ARL13B: variants seen among roughly 807,000 people sequenced by gnomAD.
ARL13B encodes ADP-ribosylation factor-like protein 13B.
Under a neutral mutation model 56.1 loss-of-function variants are expected in ARL13B, and 36 were observed. That is an observed-to-expected ratio of 0.64 (90% confidence interval 0.49 to 0.85). The LOEUF (loss-of-function observed/expected upper bound fraction) is 0.85, where lower values mean the gene tolerates loss of function less well. ARL13B is among the 40% of genes least tolerant of loss of function. The pLI is 0.00. For missense variants in ARL13B, 519 were observed against 507.1 expected (o/e 1.02, Z -0.23); for synonymous variants, 178 against 171.1 (o/e 1.04, Z -0.32).
At chr3:94,033,035 T>C (rs2076704658) in intron 3 of ARL13B, among the ~76,000 whole-genome samples, 2 of 152,236 alleles carry the variant, frequency 1.3e-5, no homozygotes, top group Non-Finnish European at 2.9e-5. Context: ...TAAAATGGAA[T>C]GCTATTCAAC....
chr3:93,990,840 C>T (rs2075862973), intron 1 of ARL13B, among the ~76,000 whole-genome samples: 1 of 152,272 alleles, frequency 6.6e-6, no homozygotes, highest in East Asian at 1.9e-4. Flanking sequence ...CCTTCATCTT[C>T]CTTCTGTTTT....
chr3:94,001,122 G>C (rs2076049124), intron 2 of ARL13B, among the ~76,000 whole-genome samples: 1 of 151,964 alleles, frequency 6.6e-6, no homozygotes. Flanking sequence ...TTATGATAGA[G>C]GTAAAGGTGA....
intron 3 of ARL13B, among the ~76,000 whole-genome samples, chr3:94,021,350 A>G (rs372543318): frequency 2.1e-4 from 32 of 152,028 alleles, no homozygotes; most frequent in African/African-American, 7.5e-4. Context: ...GCCCATCACC[A>G]TGCCCAGATA....
chr3:94,016,999 T>C (rs374528129), intron 3 of ARL13B, among the ~76,000 whole-genome samples: 3 of 152,164 alleles, frequency 2.0e-5, no homozygotes, highest in African/African-American at 7.2e-5. Flanking sequence ...TTATAAATAA[T>C]AGTCTGATGT....
Position 94,054,462 on chromosome 3 carries a change from AAT to A in ARL13B, c.*1200_*1201del. On this transcript the variant is annotated 3_prime_UTR_variant, in exon 10 of 10. Transcript: ENST00000394222. Reference sequence around the variant, plus strand: ...TGTATATTTTTAATAATAGATTCATAATGTTACATTTAATTGAAAACAAACCT... The same window carrying A: ...TGTATATTTTTAATAATAGATTCATAGTTACATTTAATTGAAAACAAACCT... 2.8e-6 allele frequency: 1 copy of A among 357,428 alleles called. No individual in the cohort carries two copies. The highest frequency in any genetic ancestry group is 2.2e-5 in the South Asian group (1 of 44,736). 22.1% of individuals were successfully genotyped at this position (357,428 alleles called of 1,614,324 possible).
intron 3 of ARL13B, among the ~76,000 whole-genome samples, chr3:94,011,324 G>A (rs2076221311): frequency 1.3e-5 from 2 of 152,094 alleles, no homozygotes; most frequent in Non-Finnish European, 2.9e-5. Flanking sequence ...ACGTGACTGT[G>A]ATGGCTGATC....
intron 2 of ARL13B, among the ~76,000 whole-genome samples, chr3:94,000,015 G>A (rs2076027250): frequency 6.6e-6 from 1 of 152,168 alleles, no homozygotes; most frequent in South Asian, 2.1e-4. Flanking sequence ...AGAAGGAAGA[G>A]GTAAAGGGTA....
At chr3:94,010,984 A>C (rs2076215094) in intron 3 of ARL13B, among the ~76,000 whole-genome samples, 1 of 152,068 alleles carries the variant, frequency 6.6e-6, no homozygotes. Flanking sequence ...TGTGGAGTTT[A>C]TCATCTTTTA....
intron 2 of ARL13B, among the ~76,000 whole-genome samples, chr3:93,999,563 C>G (rs1161058807): frequency 2.0e-5 from 3 of 152,102 alleles, no homozygotes; most frequent in African/African-American, 7.2e-5. Context: ...CCCTGAACAT[C>G]TATTCTTTGC....
In ARL13B at chr3:93,995,910, T is replaced by C. The variant is rs780528968; in HGVS notation, c.96T>C (p.Ala32=). The change falls in exon 2 of 10, where the codon GCT becomes GCC. Residue 32 remains alanine (A), a synonymous_variant. Coordinates refer to ENST00000394222, the MANE Select transcript of ARL13B (RefSeq NM_001174150.2). ...TTTTGATGGTGGGACTTGATAATGCTGGTAAAACCGCAACAGCAAAGGGAA... is the reference window on the plus strand; with the variant it reads ...TTTTGATGGTGGGACTTGATAATGCCGGTAAAACCGCAACAGCAAAGGGAA... ...VTLLMVGLDN[A]GKTATAKGIQ... 1 of 1,613,362 alleles carries C rather than the reference T, an allele frequency of 6.2e-7. No homozygotes were observed. The highest frequency in any genetic ancestry group is 8.5e-7 in the Non-Finnish European group (1 of 1,179,572).
Position 94,011,299 on chromosome 3 carries a change from C to T in ARL13B, c.380+7391C>T, listed in dbSNP as rs575323074. The stretch of plus-strand genomic sequence containing the variant: ...GTGCTAGCACACAAATGCTAAACAT[C>T]GATAGATTAGTAATACGTGACTGTG... On this transcript the variant is annotated intron_variant, in intron 3 of 9. Coordinates refer to ENST00000394222, the MANE Select transcript of ARL13B (RefSeq NM_001174150.2). Among the ~76,000 whole-genome samples the T allele has an allele frequency of 1.1e-3, 171 of 152,168 alleles. 1 individual carries two copies. Among genetic ancestry groups the T allele is most frequent in the African/African-American group, 2.7e-3 (113 of 41,542 alleles).
intron 3 of ARL13B, among the ~76,000 whole-genome samples, chr3:94,024,555 C>A (rs959007386): frequency 3.3e-5 from 5 of 152,098 alleles, no homozygotes; most frequent in Admixed American, 6.6e-5. Flanking sequence ...GTTTTTATGA[C>A]TGGAAAGATC....
rs549154452 is a variant in ARL13B at position 94,050,790 on chromosome 3, A to G, written c.1142-34A>G. The G allele has an allele frequency of 2.1e-5, 33 of 1,587,348 alleles. No individual in the cohort carries two copies. In the Admixed American group the frequency reaches 4.0e-4, roughly 19 times the overall value. On this transcript the variant is annotated intron_variant, in intron 8 of 9. Coordinates refer to ENST00000394222, the MANE Select transcript of ARL13B (RefSeq NM_001174150.2). Reference sequence around the variant, plus strand: ...AACAGACCTAAAGAAACCTTGTTTAACAGTGTTTTTTAAATGTTTTTCTTT... The same window carrying G: ...AACAGACCTAAAGAAACCTTGTTTAGCAGTGTTTTTTAAATGTTTTTCTTT...
intron 3 of ARL13B, among the ~76,000 whole-genome samples, chr3:94,005,083 A>T (rs1396110329): frequency 1.3e-5 from 2 of 152,162 alleles, no homozygotes; most frequent in Admixed American, 1.3e-4. Flanking sequence ...TCATTAATAC[A>T]TGCATTAATT....
At chr3:94,005,331 A>T (rs1181639174) in intron 3 of ARL13B, among the ~76,000 whole-genome samples, 2 of 152,188 alleles carry the variant, frequency 1.3e-5, no homozygotes, top group Non-Finnish European at 2.9e-5. Flanking sequence ...CAGAAAGCCT[A>T]TGGTGGTAGT....
At chr3:94,043,481 T>C (rs1225039415) in intron 7 of ARL13B, among the ~76,000 whole-genome samples, 1 of 148,624 alleles carries the variant, frequency 6.7e-6, no homozygotes, top group Non-Finnish European at 1.5e-5. Flanking sequence ...AAAATTCCAT[T>C]TTTATTTTCA....
chr3:94,029,980 A>T (rs1490109451), intron 3 of ARL13B, among the ~76,000 whole-genome samples: 11 of 152,202 alleles, frequency 7.2e-5, no homozygotes, highest in Admixed American at 7.2e-4. Flanking sequence ...TATTGTATAT[A>T]TACACAAATA....
intron 7 of ARL13B, 123 bp from the exon 8 acceptor site, chr3:94,049,283 A>G: frequency 1.8e-6 from 1 of 561,280 alleles, no homozygotes; most frequent in Non-Finnish European, 3.1e-6. Flanking sequence ...AACAATTTCC[A>G]AAGTTAAATA....
chr3:94,013,181 G>A (rs1470175686), intron 3 of ARL13B, among the ~76,000 whole-genome samples: 1 of 152,100 alleles, frequency 6.6e-6, no homozygotes, highest in African/African-American at 2.4e-5. Context: ...TACTCATTCA[G>A]ATCTTCAAGT....
Sources: allele counts gnomAD v4.1 joint callset (sites outside exome capture counted in the v4.1 genomes callset), GRCh38; gene constraint gnomAD v4.1.1; transcripts MANE v1.5; gene names NCBI Gene and HGNC (gene_info 2026-07-23, HGNC 2026-07-21).